The following CDHR3 variants were observed in gnomAD, a reference collection of about 807,000 sequenced individuals.
CDHR3 encodes the protein cadherin related family member 3.
In CDHR3, 79 loss-of-function variants were observed where a neutral mutation model predicts 86.6. That is an observed-to-expected ratio of 0.91 (90% confidence interval 0.76 to 1.10). The LOEUF is 1.10. CDHR3 is among the 50% of genes least tolerant of loss of function. The probability of loss-of-function intolerance (pLI) is 0.00; values close to 1 mark genes in which losing one functional copy is unlikely to be tolerated. For missense variants in CDHR3, 1,081 were observed against 1,077.6 expected (o/e 1.00, Z -0.04); for synonymous variants, 421 against 402.4 (o/e 1.05, Z -0.55).
chr7:105,996,103 C>A, intron 5 of CDHR3, 147 bp from the exon 6 acceptor site: 2 of 567,710 alleles, frequency 3.5e-6, no homozygotes, highest in East Asian at 5.6e-5. Context: ...CCCTGCAGGC[C>A]CTGAGACTGT....
rs577241054 is a variant in CDHR3 at position 106,032,139 on chromosome 7, C to T, written c.2354-254C>T. ...TCCTGCAATTGAGATGTCCTTGAGA[C>T]GCTCCTAAGCCTTTCTATCCAGAGA... On this transcript the variant is annotated intron_variant, in intron 18 of 18. Coordinates refer to ENST00000317716, the MANE Select transcript of CDHR3 (RefSeq NM_152750.5). Among the ~76,000 whole-genome samples the T allele has an allele frequency of 2.6e-5, 4 of 152,298 alleles. No homozygotes were observed. In the East Asian group the frequency reaches 5.8e-4, roughly 22 times the overall value.
rs761409026 is a variant in CDHR3 at position 105,984,214 on chromosome 7, A to C, written c.438A>C (p.Glu146Asp). ...TAGGTCTACACCTCTACATAGTAGA[A>C]AGAGCAAACCCTGGATTCATTTACC... ...LAEGLHLYIV[E>D]RANPGFIYQV... The change falls in exon 4 of 19, where the codon GAA becomes GAC. Residue 146 changes from glutamate to aspartate, a missense_variant. By Grantham distance (45) the Glu-to-Asp change is conservative. Transcript: ENST00000317716. 17 of 1,609,524 alleles carry C rather than the reference A, an allele frequency of 1.1e-5. No individual in the cohort carries two copies. The highest frequency in any genetic ancestry group is 1.4e-5 in the Non-Finnish European group (17 of 1,176,928).
intron 3 of CDHR3, among the ~76,000 whole-genome samples, chr7:105,982,543 C>A (rs1227747443): frequency 6.6e-6 from 1 of 151,922 alleles, no homozygotes; most frequent in Admixed American, 6.6e-5. Context: ...CCCTCCTACC[C>A]CTCCTCCTTT....
intron 16 of CDHR3, chr7:106,028,346 T>G (rs1267673828): frequency 3.2e-6 from 2 of 626,296 alleles, no homozygotes; most frequent in East Asian, 2.9e-5. Context: ...TGTTATTGTG[T>G]GTGTGTGTAT....
intron 1 of CDHR3, among the ~76,000 whole-genome samples, chr7:105,972,883 C>T (rs1183990021): frequency 1.3e-5 from 2 of 152,216 alleles, no homozygotes; most frequent in Non-Finnish European, 2.9e-5. Context: ...AGCCTCTAAA[C>T]TAAATAAGAT....
intron 13 of CDHR3, among the ~76,000 whole-genome samples, chr7:106,021,795 C>T (rs1836615076): frequency 6.6e-6 from 1 of 152,202 alleles, no homozygotes; most frequent in African/African-American, 2.4e-5. Flanking sequence ...CCTATTCTAC[C>T]CTCTTGAAAC....
At chr7:106,025,401 A>G (rs1397331395) in intron 15 of CDHR3, among the ~76,000 whole-genome samples, 2 of 152,216 alleles carry the variant, frequency 1.3e-5, no homozygotes, top group Non-Finnish European at 2.9e-5. Flanking sequence ...AAATTAATCA[A>G]CTAAATGAAC....
chr7:105,975,022 T>C lies in CDHR3; in HGVS notation c.225T>C (p.Asn75=). The change falls in exon 2 of 19, where the codon AAT becomes AAC. Residue 75 remains asparagine, a synonymous_variant. Transcript: ENST00000317716. The stretch of plus-strand genomic sequence containing the variant: ...CCCTCACTGAAGCTTTTAGGGTGAA[T>C]TGGCTGTCAGGCACCTACTTTGAGG... The part of the protein sequence containing the change: ...SNPLTEAFRV[N]WLSGTYFEVV... 1.2e-6 allele frequency: 2 copies of C among 1,613,920 alleles called. No homozygotes were observed. The highest frequency in any genetic ancestry group is 1.7e-6 in the Non-Finnish European group (2 of 1,179,836).
intron 6 of CDHR3, among the ~76,000 whole-genome samples, chr7:106,000,022 G>T (rs569259321): frequency 2.6e-5 from 4 of 152,314 alleles, no homozygotes; most frequent in Non-Finnish European, 4.4e-5. Context: ...GGCCCAGCCT[G>T]GGGGCGCTGG....
At chr7:106,007,565 C>A (rs1834124083) in intron 8 of CDHR3, among the ~76,000 whole-genome samples, 1 of 152,182 alleles carries the variant, frequency 6.6e-6, no homozygotes, top group African/African-American at 2.4e-5. Context: ...GGGCAAAATG[C>A]CACCAGTCTC....
intron 1 of CDHR3, 79 bp downstream of exon 1, chr7:105,963,443 A>G (rs1171031517): frequency 1.4e-6 from 2 of 1,467,116 alleles, no homozygotes; most frequent in Non-Finnish European, 1.9e-6. Context: ...TGTCCCCCAG[A>G]AAGGAAATTG....
intron 5 of CDHR3, 43 bp from the exon 6 acceptor site, chr7:105,996,207 C>A: frequency 1.8e-6 from 2 of 1,086,104 alleles, no homozygotes; most frequent in East Asian, 2.5e-5. Context: ...TGAAGTAGTG[C>A]CAGCAAAGCT....
chr7:105,973,496 C>T (rs1314056049), intron 1 of CDHR3, among the ~76,000 whole-genome samples: 1 of 152,158 alleles, frequency 6.6e-6, no homozygotes, highest in Non-Finnish European at 1.5e-5. Flanking sequence ...CGTTTGCTTT[C>T]CATTCCCGGG....
At chr7:106,005,540 G>A (rs1218286883) in intron 8 of CDHR3, among the ~76,000 whole-genome samples, 2 of 152,226 alleles carry the variant, frequency 1.3e-5, no homozygotes, top group Non-Finnish European at 2.9e-5. Flanking sequence ...CTAAGAGACA[G>A]CCCTGTATCT....
At chr7:105,979,216 G>T (rs1829270217) in intron 2 of CDHR3, among the ~76,000 whole-genome samples, 1 of 152,152 alleles carries the variant, frequency 6.6e-6, no homozygotes, top group Non-Finnish European at 1.5e-5. Context: ...CAATGGGAAG[G>T]CTGGGCTTTC....
At chr7:106,023,304 G>T (rs1417785594) in intron 14 of CDHR3, among the ~76,000 whole-genome samples, 1 of 152,160 alleles carries the variant, frequency 6.6e-6, no homozygotes, top group Non-Finnish European at 1.5e-5. Context: ...ATTCTAATGT[G>T]CATTAAAGTC....
intron 10 of CDHR3, among the ~76,000 whole-genome samples, chr7:106,015,527 T>G (rs769398797): frequency 3.3e-5 from 5 of 152,208 alleles, no homozygotes; most frequent in Non-Finnish European, 7.3e-5. Flanking sequence ...CTTCACCTCC[T>G]GTCACTTGCT....
At chr7:105,998,459 AG>A (rs1563264459) in intron 6 of CDHR3, among the ~76,000 whole-genome samples, 2 of 152,348 alleles carry the variant, frequency 1.3e-5, no homozygotes, top group Non-Finnish European at 2.9e-5. Context: ...TGCATGCTCC[AG>A]GAGTCTGCCA....
chr7:105,981,227 C>A, intron 3 of CDHR3, 94 bp downstream of exon 3: 2 of 1,293,828 alleles, frequency 1.5e-6, no homozygotes, highest in Non-Finnish European at 1.1e-6. Flanking sequence ...AATAAACAAG[C>A]AGCTGTTTCC....
Sources: allele counts gnomAD v4.1 joint callset (sites outside exome capture counted in the v4.1 genomes callset), GRCh38; gene constraint gnomAD v4.1.1; transcripts MANE v1.5; gene names NCBI Gene and HGNC (gene_info 2026-07-23, HGNC 2026-07-21).